Variants in FBXO46 observed in about 807,000 individuals in gnomAD.
The protein encoded by FBXO46 is F-box only protein 46.
FBXO46 carries 13 observed loss-of-function variants against 30.7 expected under a neutral mutation model. That is an observed-to-expected ratio of 0.42 (90% CI 0.28 to 0.67). FBXO46 has a LOEUF of 0.67. Among genes scored for constraint, FBXO46 ranks in the 30% least tolerant of loss-of-function variants. The pLI is 0.21. For missense variants in FBXO46, 754 were observed against 871.5 expected (o/e 0.87, Z 1.70); for synonymous variants, 467 against 385.8 (o/e 1.21, Z -2.47).
rs771389721 is a variant in FBXO46, at chr19:45,712,755, G to A, written c.741C>T (p.Arg247=). Residue 247 remains arginine (R), a synonymous_variant, in exon 2 of 2, where the codon CGC becomes CGT. Coordinates refer to ENST00000317683, the MANE Select transcript of FBXO46 (RefSeq NM_001080469.2). This position sits in a 1 kb window ranked among gnomAD's most constrained non-coding sequence, Gnocchi z 8.8. ...QRDSPPTKGL[R]KEERPGPGPG... is the part of the protein sequence containing the mutation. ...GGCCTGGCCCGGGCCGCTCTTCCTT[G>A]CGGAGGCCCTTGGTGGGAGGGCTGT... 3 of 1,611,300 alleles carry A rather than the reference G, an allele frequency of 1.9e-6. No homozygotes were observed. Among genetic ancestry groups the A allele is most frequent in the Admixed American group, 1.7e-5 (1 of 59,762 alleles).
chr19:45,721,280 G>A (rs1412208027), intron 1 of FBXO46, among the ~76,000 whole-genome samples: 2 of 151,870 alleles, frequency 1.3e-5, no homozygotes, highest in Non-Finnish European at 2.9e-5. Flanking sequence ...GGAAGTGGAG[G>A]GTGCAGTGAG....
rs1266685332 is a variant in FBXO46 at position 45,711,674 on chromosome 19, T to TC, written c.*9dup. On this transcript the variant is annotated 3_prime_UTR_variant, in exon 2 of 2. Coordinates refer to ENST00000317683, the MANE Select transcript of FBXO46 (RefSeq NM_001080469.2). ...GGGCGTGGTGGGCTCTCCCCTCCCC[T>TC]CCCCCGGCTTCACCTCCCCTCCTCC... 3.3e-5 allele frequency: 44 copies of TC among 1,317,172 alleles called. No homozygotes were observed. The highest frequency in any genetic ancestry group is 4.4e-5 in the Non-Finnish European group (42 of 954,874). 81.6% of individuals were successfully genotyped at this position (1,317,172 alleles called of 1,614,324 possible).
rs115530865 is a variant in FBXO46 at position 45,725,389 on chromosome 19, C to T, written c.-79+5460G>A. Among the ~76,000 whole-genome samples the T allele has an allele frequency of 9.7e-3, 1,453 of 150,430 alleles. 26 individuals carry two copies. The highest frequency in any genetic ancestry group is 0.033 in the African/African-American group (1,362 of 40,942). The stretch of plus-strand genomic sequence containing the variant: ...AAGATAGTGCCACTGCATTCCAGCC[C>T]GGGCAACAGAGCCAGACCCTGTCTC... On this transcript the variant is annotated intron_variant, in intron 1 of 1. Transcript: ENST00000317683.
At chr19:45,719,009 G>A (rs1445871206) in intron 1 of FBXO46, among the ~76,000 whole-genome samples, 4 of 150,778 alleles carry the variant, frequency 2.7e-5, no homozygotes, top group Non-Finnish European at 5.9e-5. Flanking sequence ...CACTTTGGGA[G>A]GCAGAGGGGG....
rs886582064 is a variant in FBXO46, at chr19:45,712,944, G to T, written c.552C>A (p.Ala184=). ...EMVALVEQRA[A]LALQSYPRPT... ...GTCGTGGGTAGCTCTGCAGGGCCAG[G>T]GCTGCCCGCTGTTCCACCAGGGCCA... Residue 184 remains alanine, a synonymous_variant, in exon 2 of 2, where the codon GCC becomes GCA. Coordinates refer to ENST00000317683, the MANE Select transcript of FBXO46 (RefSeq NM_001080469.2). This position sits in a 1 kb window ranked among gnomAD's most constrained non-coding sequence, Gnocchi z 8.8. The T allele has an allele frequency of 6.3e-7, 1 of 1,595,868 alleles. No individual in the cohort carries two copies. The highest frequency in any genetic ancestry group is 2.3e-5 in the East Asian group (1 of 43,966).
Position 45,711,776 on chromosome 19 carries a change from G to A in FBXO46, c.1720C>T (p.Pro574Ser). Reference sequence around the variant, plus strand: ...TCGTGGAGGCCCAGGCGGCAGCCGGGAGTCTCGCGGTCGGCTCGACGGCAG... The same window carrying A: ...TCGTGGAGGCCCAGGCGGCAGCCGGAAGTCTCGCGGTCGGCTCGACGGCAG... ...MCCRRADRET[P>S]GCRLGLHDNN... Residue 574 changes from proline (P) to serine (S), a missense_variant, in exon 2 of 2, where the codon CCC (proline) becomes TCC (serine). Pro to Ser is a moderately conservative substitution (Grantham distance 74, BLOSUM62 -1). This residue lies in a region of FBXO46 where 162 missense variants were observed against 258.7 expected (regional missense o/e 0.63). Transcript: ENST00000317683. 1 of 1,601,048 alleles carries A rather than the reference G, an allele frequency of 6.2e-7. No individual in the cohort carries two copies. Among genetic ancestry groups the A allele is most frequent in the Non-Finnish European group, 8.5e-7 (1 of 1,176,088 alleles).
intron 1 of FBXO46, among the ~76,000 whole-genome samples, chr19:45,718,633 G>A (rs1033496359): frequency 1.3e-5 from 2 of 151,948 alleles, no homozygotes; most frequent in South Asian, 2.1e-4. Context: ...TTATTAGAGA[G>A]GCCTTCTCCA....
intron 1 of FBXO46, chr19:45,714,691 G>A (rs972367852): frequency 1.3e-5 from 2 of 152,282 alleles, no homozygotes; most frequent in South Asian, 2.1e-4. Context: ...CTTGAGCCCA[G>A]GAGTTTGAGA....
upstream of FBXO46, among the ~76,000 whole-genome samples, chr19:45,731,777 T>G (rs1003910550): frequency 1.3e-5 from 2 of 151,698 alleles, no homozygotes; most frequent in Admixed American, 6.6e-5. Context: ...ACCACCGCCC[T>G]CCATGCAGTT....
chr19:45,725,687 C>G (rs949090801), intron 1 of FBXO46, among the ~76,000 whole-genome samples: 4 of 151,880 alleles, frequency 2.6e-5, no homozygotes, highest in Non-Finnish European at 4.4e-5. Context: ...GGAGCCGAGA[C>G]TGTACCACTG....
intron 1 of FBXO46, chr19:45,714,846 A>G (rs138428687): frequency 2.4e-4 from 37 of 152,172 alleles, no homozygotes; most frequent in African/African-American, 7.2e-4. Flanking sequence ...GTGAGCTGTG[A>G]TGCTGTGATC....
rs946013812 is a variant in FBXO46, at chr19:45,713,529, G to A, written c.-34C>T. The A allele has an allele frequency of 2.7e-6, 4 of 1,507,594 alleles. No homozygotes were observed. Among genetic ancestry groups the A allele is most frequent in the Non-Finnish European group, 3.6e-6 (4 of 1,120,526 alleles). The allele number at this position is 1,507,594 out of a possible 1,614,324, so 93.4% of individuals were successfully genotyped here. The stretch of plus-strand genomic sequence containing the variant: ...ATGATGGCAGACAGGCTGGGCTTCA[G>A]CGCATCTCAGGACCTAGGTGGTGGT... On this transcript the variant is annotated 5_prime_UTR_variant, in exon 2 of 2. Transcript: ENST00000317683. This position sits in a 1 kb window ranked among gnomAD's most constrained non-coding sequence, Gnocchi z 4.7.
chr19:45,728,223 G>GC (rs1336363295), intron 1 of FBXO46, among the ~76,000 whole-genome samples: 1 of 152,214 alleles, frequency 6.6e-6, no homozygotes, highest in Non-Finnish European at 1.5e-5. Context: ...ACCATGCCCA[G>GC]CCCACAGATT....
chr19:45,724,236 T>TGA (rs1304845283), intron 1 of FBXO46, among the ~76,000 whole-genome samples: 1 of 152,102 alleles, frequency 6.6e-6, no homozygotes, highest in Non-Finnish European at 1.5e-5. Flanking sequence ...CAGGGACAAG[T>TGA]GAGAGACTGG....
chr19:45,732,962 A>C (rs1214007433), upstream of FBXO46, among the ~76,000 whole-genome samples: 3 of 151,888 alleles, frequency 2.0e-5, no homozygotes, highest in Non-Finnish European at 4.4e-5. Context: ...GGAGGTTCTC[A>C]CGGTCTTCTC....
chr19:45,721,171 T>G (rs1333248136), intron 1 of FBXO46, among the ~76,000 whole-genome samples: 1 of 152,016 alleles, frequency 6.6e-6, no homozygotes. Context: ...CTGGGCAACA[T>G]GGCAAAACCC....
rs766121787 is a variant in FBXO46 at position 45,713,118 on chromosome 19, G to A, written c.378C>T (p.Ser126=). Residue 126 remains serine, a synonymous_variant, in exon 2 of 2, where the codon AGC becomes AGT. Transcript: ENST00000317683. The surrounding 1 kb of genome is among the most constrained non-coding windows in gnomAD (Gnocchi z 4.7). ...SSMKVKGHWG[S]DSSKAKRRRR... ...TCCGCCGCTTGGCCTTGGAGCTATC[G>A]CTGCCCCAGTGCCCCTTGACCTTCA... The A allele has an allele frequency of 1.2e-5, 20 of 1,611,850 alleles. No homozygotes were observed. Among genetic ancestry groups the A allele is most frequent in the Middle Eastern group, 1.7e-4 (1 of 6,024 alleles).
Position 45,711,204 on chromosome 19 carries a change from T to C in FBXO46, c.*480A>G, listed in dbSNP as rs879092287. The C allele has an allele frequency of 2.4e-6, 1 of 421,228 alleles. No individual in the cohort carries two copies. 26.1% of individuals were successfully genotyped at this position (421,228 alleles called of 1,614,324 possible). Reference sequence around the variant, plus strand: ...TGACAGCCCCCAATTCCTAGAGAGGTGAGAGCTGTCGTGTGGCAGGTTAGG... The same window carrying C: ...TGACAGCCCCCAATTCCTAGAGAGGCGAGAGCTGTCGTGTGGCAGGTTAGG... On this transcript the variant is annotated 3_prime_UTR_variant, in exon 2 of 2. Coordinates refer to ENST00000317683, the MANE Select transcript of FBXO46 (RefSeq NM_001080469.2).
At chr19:45,714,951 TCTC>T (rs1968068317) in intron 1 of FBXO46, 1 of 152,108 alleles carries the variant, frequency 6.6e-6, no homozygotes, top group South Asian at 2.1e-4. Context: ...AGCCTAGCTT[TCTC>T]CTCAAGCTGC....
Sources: gnomAD v4.1 joint callset for allele counts (sites outside exome capture counted in the v4.1 genomes callset) on GRCh38, gnomAD v4.1.1 for gene constraint, gnomAD v4.1.1 regional missense constraint, Gnocchi (gnomAD v3.1) non-coding constraint, MANE v1.5 for transcripts, NCBI Gene and HGNC (gene_info 2026-07-23, HGNC 2026-07-21) for gene names.